The following MACROD2 variants were observed in gnomAD, a reference collection of about 807,000 sequenced individuals.
MACROD2 encodes mono-ADP ribosylhydrolase 2.
In MACROD2, 36 loss-of-function variants were observed where a neutral mutation model predicts 70.4. The observed-to-expected ratio is 0.51, with a 90% CI of 0.39 to 0.68. MACROD2 has a LOEUF of 0.68. Ranked by LOEUF, MACROD2 falls within the 30% of genes least tolerant of loss-of-function variation. The probability of loss-of-function intolerance (pLI) is 0.00; values close to 1 mark genes in which losing one functional copy is unlikely to be tolerated. For missense variants in MACROD2, 496 were observed against 538.4 expected (o/e 0.92, Z 0.78); for synonymous variants, 172 against 178.8 (o/e 0.96, Z 0.30).
intron 6 of MACROD2, among the ~76,000 whole-genome samples, chr20:15,380,532 GA>G (rs975243350): frequency 4.6e-5 from 7 of 151,226 alleles, no homozygotes; most frequent in African/African-American, 1.7e-4. Context: ...TATGCAAAAC[GA>G]ATCACTTCTT....
At chr20:14,452,155 G>T (rs1442525359) in intron 3 of MACROD2, among the ~76,000 whole-genome samples, 1 of 152,094 alleles carries the variant, frequency 6.6e-6, no homozygotes, top group Non-Finnish European at 1.5e-5. Context: ...AAGGATAGAA[G>T]ATAATAATGA....
At chr20:14,314,473 T>A (rs1441678857) in intron 3 of MACROD2, among the ~76,000 whole-genome samples, 2 of 152,138 alleles carry the variant, frequency 1.3e-5, no homozygotes, top group East Asian at 3.8e-4. Flanking sequence ...AAAAACAAAA[T>A]TTTTTGGCCG....
intron 8 of MACROD2, among the ~76,000 whole-genome samples, chr20:15,836,693 G>A (rs377267342): frequency 6.6e-6 from 1 of 152,140 alleles, no homozygotes; most frequent in Non-Finnish European, 1.5e-5. Flanking sequence ...TTGACTATCC[G>A]TAATAGCTCT....
chr20:15,624,674 A>G (rs1451626219), intron 8 of MACROD2, among the ~76,000 whole-genome samples: 1 of 152,232 alleles, frequency 6.6e-6, no homozygotes, highest in Non-Finnish European at 1.5e-5. Context: ...AATAGTGGCA[A>G]ACAATGACAG....
intron 13 of MACROD2, among the ~76,000 whole-genome samples, chr20:15,986,181 C>T (rs1482735374): frequency 6.6e-6 from 1 of 152,152 alleles, no homozygotes; most frequent in Non-Finnish European, 1.5e-5. Context: ...CCTTGTTTTT[C>T]TCTCAAAACA....
At position 14,443,827 on chromosome 20, in the gene MACROD2, A is replaced by T. The variant is rs561014928; in HGVS notation, c.272-49652A>T. Among the ~76,000 whole-genome samples, 369 of 152,220 alleles carry T rather than the reference A, an allele frequency of 2.4e-3. 5 individuals carry two copies. The highest frequency in any genetic ancestry group is 8.3e-3 in the African/African-American group (344 of 41,490). On this transcript the variant is annotated intron_variant, in intron 3 of 17. Transcript: ENST00000684519. ...AAGCCATAGTCTCCTTGCCTGCAAG[A>T]TAGGAATAATCACAGGTCCTGCCTT...
At chr20:14,904,081 G>A (rs2073930053) in intron 5 of MACROD2, among the ~76,000 whole-genome samples, 1 of 151,978 alleles carries the variant, frequency 6.6e-6, no homozygotes, top group African/African-American at 2.4e-5. Flanking sequence ...CTCATGGGAG[G>A]GACTGTGATA....
intron 10 of MACROD2, among the ~76,000 whole-genome samples, chr20:15,902,442 A>C (rs1296369529): frequency 6.6e-6 from 1 of 152,086 alleles, no homozygotes; most frequent in East Asian, 1.9e-4. Context: ...TGTTTAATAA[A>C]TTATTTATCT....
intron 3 of MACROD2, among the ~76,000 whole-genome samples, chr20:14,309,673 G>C (rs1338436064): frequency 6.6e-6 from 1 of 152,130 alleles, no homozygotes; most frequent in Admixed American, 6.6e-5. Context: ...CAGGAGAATA[G>C]AGAGAATTGC....
At chr20:14,297,942 G>A (rs1324616822) in intron 3 of MACROD2, among the ~76,000 whole-genome samples, 1 of 151,814 alleles carries the variant, frequency 6.6e-6, no homozygotes, top group Non-Finnish European at 1.5e-5. Context: ...GTTTAAGTCA[G>A]TGCTCATTTA....
At chr20:14,234,223 C>A (rs2081847801) in intron 3 of MACROD2, among the ~76,000 whole-genome samples, 1 of 151,788 alleles carries the variant, frequency 6.6e-6, no homozygotes, top group South Asian at 2.1e-4. Flanking sequence ...AAAATAAAAG[C>A]AATAATAAAA....
At chr20:15,285,332 A>G (rs183830424) in intron 6 of MACROD2, among the ~76,000 whole-genome samples, 95 of 152,332 alleles carry the variant, frequency 6.2e-4, no homozygotes, top group African/African-American at 2.2e-3. Flanking sequence ...TTAATTATCC[A>G]TTAGAGCAAA....
intron 4 of MACROD2, among the ~76,000 whole-genome samples, chr20:14,559,244 C>A (rs1275944974): frequency 2.0e-5 from 3 of 151,506 alleles, no homozygotes; most frequent in East Asian, 3.9e-4. Flanking sequence ...AAATTGTGTT[C>A]TTTGAATTTA....
chr20:15,753,437 G>T (rs908829555), intron 8 of MACROD2, among the ~76,000 whole-genome samples: 2 of 152,186 alleles, frequency 1.3e-5, no homozygotes, highest in Non-Finnish European at 2.9e-5. Flanking sequence ...TTGCTGCAAA[G>T]TACAAGATTT....
intron 8 of MACROD2, among the ~76,000 whole-genome samples, chr20:15,725,164 T>G (rs985576188): frequency 1.3e-5 from 2 of 152,196 alleles, no homozygotes; most frequent in Admixed American, 6.5e-5. Context: ...AGATTTTGAA[T>G]CTATAGATCA....
intron 10 of MACROD2, among the ~76,000 whole-genome samples, chr20:15,891,493 T>C (rs1353743249): frequency 6.6e-6 from 1 of 152,018 alleles, no homozygotes; most frequent in Admixed American, 6.6e-5. Context: ...GGATAGAGTG[T>C]AGAGAGTAAA....
intron 5 of MACROD2, among the ~76,000 whole-genome samples, chr20:14,834,143 T>C (rs1460925516): frequency 2.0e-5 from 3 of 152,034 alleles, no homozygotes; most frequent in African/African-American, 7.2e-5. Context: ...TTTTTGCATT[T>C]CTATGAAATA....
intron 11 of MACROD2, among the ~76,000 whole-genome samples, chr20:15,935,183 G>A (rs2065640457): frequency 6.6e-6 from 1 of 152,178 alleles, no homozygotes; most frequent in African/African-American, 2.4e-5. Flanking sequence ...CCTTTTGCCT[G>A]TGAGGAGGGA....
At chr20:14,956,521 A>G (rs965418105) in intron 5 of MACROD2, among the ~76,000 whole-genome samples, 2 of 152,078 alleles carry the variant, frequency 1.3e-5, no homozygotes, top group African/African-American at 2.4e-5. Context: ...AAGCAGTCCT[A>G]TTACCATGCC....
Sources: allele counts gnomAD v4.1 joint callset (sites outside exome capture counted in the v4.1 genomes callset), GRCh38; gene constraint gnomAD v4.1.1; transcripts MANE v1.5; gene names NCBI Gene and HGNC (gene_info 2026-07-23, HGNC 2026-07-21).